The following IHO1 variants were observed in gnomAD, a reference collection of about 807,000 sequenced individuals.
The protein encoded by IHO1 is interactor of HORMAD1 protein 1.
In IHO1, 13 loss-of-function variants were observed where a neutral mutation model predicts 31.0. The observed-to-expected ratio is 0.42, with a 90% CI of 0.27 to 0.67. IHO1 has a LOEUF of 0.67. Ranked by LOEUF, IHO1 falls within the 30% of genes least tolerant of loss-of-function variation. IHO1 has a pLI of 0.24. For missense variants in IHO1, 599 were observed against 687.5 expected (o/e 0.87, Z 1.44); for synonymous variants, 221 against 248.4 (o/e 0.89, Z 1.04).
chr3:49,216,366 G>T (rs1468142869), intron 2 of IHO1, among the ~76,000 whole-genome samples: 1 of 152,196 alleles, frequency 6.6e-6, no homozygotes, highest in African/African-American at 2.4e-5. Flanking sequence ...GCCGAGGCAG[G>T]CATATTGCTT....
intron 2 of IHO1, among the ~76,000 whole-genome samples, chr3:49,212,502 T>A (rs2046234500): frequency 7.1e-6 from 1 of 140,506 alleles, no homozygotes; most frequent in Admixed American, 7.5e-5. Context: ...GGCAACAGAG[T>A]GAGACTCAAT....
At position 49,244,691 on chromosome 3, in the gene IHO1, A is replaced by T. The variant is rs1429128057; in HGVS notation, c.490A>T (p.Ser164Cys). ...GTCTGAGGACCATCTCAGTTCAAGA[A>T]GCCAATCTATTTTGGATTCTTTGGA... ...EKSEDHLSSR[S>C]QSILDSLETV... The change falls in exon 6 of 8, where the codon AGC (serine) becomes TGC (cysteine). Residue 164 changes from serine (S) to cysteine (C), a missense_variant. By Grantham distance (112) the Ser-to-Cys change is moderately radical. Coordinates refer to ENST00000452691, the MANE Select transcript of IHO1 (RefSeq NM_001135197.2). 7 of 1,614,202 alleles carry T rather than the reference A, an allele frequency of 4.3e-6. No homozygotes were observed. Among genetic ancestry groups the T allele is most frequent in the Middle Eastern group, 1.6e-4 (1 of 6,062 alleles).
intron 2 of IHO1, chr3:49,228,325 C>A (rs1200942415): frequency 4.4e-6 from 2 of 449,714 alleles, no homozygotes; most frequent in Non-Finnish European, 8.9e-6. Context: ...CCAATGCTCT[C>A]CACTCCGAAG....
At chr3:49,206,509 C>T (rs1038387026) in intron 1 of IHO1, among the ~76,000 whole-genome samples, 1 of 152,154 alleles carries the variant, frequency 6.6e-6, no homozygotes, top group Non-Finnish European at 1.5e-5. Context: ...GGATTACAGG[C>T]ATGACCACTG....
In IHO1 at chr3:49,257,283, C is replaced by T. The variant is rs777623115; in HGVS notation, c.*1C>T. The T allele has an allele frequency of 1.9e-5, 30 of 1,612,254 alleles. No homozygotes were observed. The Admixed American group carries it at 5.0e-4, about 27-fold the overall frequency. On this transcript the variant is annotated 3_prime_UTR_variant, in exon 8 of 8. Coordinates refer to ENST00000452691, the MANE Select transcript of IHO1 (RefSeq NM_001135197.2). ...TAGCAGTGATGATGATGGCTTCTGA[C>T]CAGTCCACAGTTGATTTATTGGTCT...
intron 2 of IHO1, among the ~76,000 whole-genome samples, chr3:49,224,391 C>T (rs1414060584): frequency 6.6e-6 from 1 of 152,240 alleles, no homozygotes; most frequent in African/African-American, 2.4e-5. Context: ...ACTGCCACCT[C>T]CTTGGGTTTT....
intron 2 of IHO1, among the ~76,000 whole-genome samples, chr3:49,219,652 T>C (rs1453613357): frequency 6.6e-6 from 1 of 152,142 alleles, no homozygotes; most frequent in East Asian, 1.9e-4. Flanking sequence ...TCTCAGCAAG[T>C]GGTGCCCATA....
At chr3:49,240,438 G>A (rs1490182150) in intron 3 of IHO1, among the ~76,000 whole-genome samples, 2 of 152,254 alleles carry the variant, frequency 1.3e-5, no homozygotes, top group Middle Eastern at 3.4e-3. Context: ...TGAGCAGGCT[G>A]GTCTCAAACT....
intron 2 of IHO1, among the ~76,000 whole-genome samples, chr3:49,220,696 A>G (rs1305224801): frequency 6.6e-6 from 1 of 151,984 alleles, no homozygotes; most frequent in Non-Finnish European, 1.5e-5. Context: ...GTGAAACCCC[A>G]TCTCTACTAA....
intron 1 of IHO1, among the ~76,000 whole-genome samples, chr3:49,201,274 T>C (rs934580329): frequency 2.0e-5 from 3 of 151,564 alleles, no homozygotes; most frequent in Non-Finnish European, 4.4e-5. Context: ...ATTACAGGCA[T>C]GAACCACCGC....
intron 2 of IHO1, among the ~76,000 whole-genome samples, chr3:49,221,800 G>A (rs972765286): frequency 6.6e-6 from 1 of 152,240 alleles, no homozygotes; most frequent in African/African-American, 2.4e-5. Context: ...GCCCGAAGGC[G>A]AGTAATAGCA....
upstream of IHO1, among the ~76,000 whole-genome samples, chr3:49,194,396 C>T (rs773364414): frequency 7.9e-4 from 114 of 143,680 alleles, no homozygotes; most frequent in Non-Finnish European, 1.5e-3. Context: ...CTCCGCCTCC[C>T]GGGCTCACAC....
Position 49,256,523 on chromosome 3 carries a change from T to C in IHO1, c.1026T>C (p.His342=). 1 of 1,614,122 alleles carries C rather than the reference T, an allele frequency of 6.2e-7. No homozygotes were observed. Among genetic ancestry groups the C allele is most frequent in the Non-Finnish European group, 8.5e-7 (1 of 1,180,030 alleles). ...EEAALPAFGS[H]ERNRHVKDKV... Reference sequence around the variant, plus strand: ...CTGCACTGCCAGCATTTGGGTCCCATGAAAGAAATAGGCATGTAAAGGACA... The same window carrying C: ...CTGCACTGCCAGCATTTGGGTCCCACGAAAGAAATAGGCATGTAAAGGACA... The change falls in exon 8 of 8, where the codon CAT becomes CAC. Residue 342 remains histidine (H), a synonymous_variant. Coordinates refer to ENST00000452691, the MANE Select transcript of IHO1 (RefSeq NM_001135197.2). The surrounding 1 kb of genome is among the most constrained non-coding windows in gnomAD (Gnocchi z 4.6).
At chr3:49,213,474 A>T (rs1331456521) in intron 2 of IHO1, among the ~76,000 whole-genome samples, 1 of 152,260 alleles carries the variant, frequency 6.6e-6, no homozygotes, top group East Asian at 1.9e-4. Flanking sequence ...AGCTGGCTTC[A>T]CCTAGTGGAT....
chr3:49,256,435 T>G lies in IHO1; in HGVS notation c.938T>G (p.Leu313Arg), dbSNP rs867575939. The G allele has an allele frequency of 6.2e-7, 1 of 1,614,174 alleles. No homozygotes were observed. The highest frequency in any genetic ancestry group is 1.6e-4 in the Middle Eastern group (1 of 6,062). ...GCATGGAATCCTGGTATGGGCTCCC[T>G]ACAGCCTGGAGAATTTGATGTCTGG... ...PAAWNPGMGS[L>R]QPGEFDVWGE... Residue 313 changes from leucine (L) to arginine (R), a missense_variant, in exon 8 of 8, where the codon CTA becomes CGA. Physicochemically the swap from Leu to Arg is moderately radical, Grantham distance 102. Coordinates refer to ENST00000452691, the MANE Select transcript of IHO1 (RefSeq NM_001135197.2). This position sits in a 1 kb window ranked among gnomAD's most constrained non-coding sequence, Gnocchi z 4.6.
At chr3:49,200,463 T>TC (rs2046041708) in intron 1 of IHO1, 1 of 189,114 alleles carries the variant, frequency 5.3e-6, no homozygotes, top group Non-Finnish European at 5.8e-6. Context: ...AGACTCGGTC[T>TC]CAAAAAAAAA....
intron 6 of IHO1, among the ~76,000 whole-genome samples, chr3:49,245,892 C>T (rs931052889): frequency 6.6e-6 from 1 of 151,968 alleles, no homozygotes; most frequent in Non-Finnish European, 1.5e-5. Context: ...TGTTTAGAAA[C>T]TTGTTCTGGG....
At chr3:49,239,951 G>C (rs1027731208) in intron 3 of IHO1, among the ~76,000 whole-genome samples, 2 of 152,008 alleles carry the variant, frequency 1.3e-5, no homozygotes, top group Admixed American at 6.5e-5. Flanking sequence ...GTAAGCCACT[G>C]TGCCCAGCCT....
chr3:49,222,517 G>T lies in IHO1; in HGVS notation c.56+10681G>T, dbSNP rs148494063. 1.4e-4 allele frequency among the ~76,000 whole-genome samples: 21 copies of T among 152,308 alleles called. No individual in the cohort carries two copies. The East Asian group carries it at 4.0e-3, about 29-fold the overall frequency. On this transcript the variant is annotated intron_variant, in intron 2 of 7. Transcript: ENST00000452691. ...CAGAAGGAAGGAAGATAGAAAAAAG[G>T]TTGATGTGATTAGGATTTGCATCCC...
Sources: gnomAD v4.1 joint callset for allele counts (sites outside exome capture counted in the v4.1 genomes callset) on GRCh38, gnomAD v4.1.1 for gene constraint, Gnocchi (gnomAD v3.1) non-coding constraint, MANE v1.5 for transcripts, NCBI Gene and HGNC (gene_info 2026-07-23, HGNC 2026-07-21) for gene names.